VWA8: variants seen among roughly 807,000 people sequenced by gnomAD.
VWA8 encodes von Willebrand factor A domain-containing protein 8.
Under a neutral mutation model 241.5 loss-of-function variants are expected in VWA8, and 221 were observed. The observed-to-expected ratio is 0.91, with a 90% CI of 0.82 to 1.02. VWA8 has a LOEUF of 1.02. Ranked by LOEUF, VWA8 falls within the 50% of genes least tolerant of loss-of-function variation. The pLI is 0.00. For missense variants in VWA8, 2,322 were observed against 2,328.7 expected, an observed-to-expected ratio of 1.00 and a Z score of 0.06; for synonymous variants, 852 against 827.1, an observed-to-expected ratio of 1.03 and a Z score of -0.52.
At chr13:41,658,472 G>A (rs535519300) in intron 37 of VWA8, among the ~76,000 whole-genome samples, 1 of 152,242 alleles carries the variant, frequency 6.6e-6, no homozygotes, top group South Asian at 2.1e-4. Context: ...CTCTTGTCCC[G>A]TTTCAATTTC....
chr13:41,658,577 C>CT (rs1365957767), intron 37 of VWA8, among the ~76,000 whole-genome samples: 1 of 152,212 alleles, frequency 6.6e-6, no homozygotes, highest in East Asian at 1.9e-4. Flanking sequence ...AGTGATCTGC[C>CT]TTTTTGCCAG....
At chr13:41,761,745 A>G (rs561763695) in intron 20 of VWA8, among the ~76,000 whole-genome samples, 1 of 152,236 alleles carries the variant, frequency 6.6e-6, no homozygotes, top group Admixed American at 6.5e-5. Context: ...AGGTGTATTA[A>G]TAAAACTCAA....
chr13:41,631,798 TGA>T (rs1201342177), intron 37 of VWA8, among the ~76,000 whole-genome samples: 2 of 152,086 alleles, frequency 1.3e-5, no homozygotes, highest in African/African-American at 2.4e-5. Flanking sequence ...TGTGTGTAGG[TGA>T]GTGTCAAAAA....
chr13:41,754,941 C>CT (rs962678944), intron 21 of VWA8, among the ~76,000 whole-genome samples: 5 of 151,836 alleles, frequency 3.3e-5, no homozygotes, highest in Non-Finnish European at 5.9e-5. Context: ...GGATCTCATT[C>CT]TTTTTTTTAT....
intron 29 of VWA8, among the ~76,000 whole-genome samples, chr13:41,695,058 T>C (rs2045207444): frequency 6.6e-6 from 1 of 152,164 alleles, no homozygotes; most frequent in Admixed American, 6.5e-5. Flanking sequence ...GGTTTAAAAA[T>C]AGAATTTTGC....
chr13:41,829,565 A>ACACACACG (rs1566473399), intron 14 of VWA8, among the ~76,000 whole-genome samples: 2 of 128,266 alleles, frequency 1.6e-5, no homozygotes, highest in South Asian at 2.6e-4. Context: ...ACACACACAC[A>ACACACACG]CATGCACACA....
intron 21 of VWA8, among the ~76,000 whole-genome samples, chr13:41,737,871 G>T (rs1006793243): frequency 1.3e-5 from 2 of 149,602 alleles, no homozygotes; most frequent in Non-Finnish European, 3.0e-5. Context: ...GTTATAAACT[G>T]TCAATGTAAA....
At chr13:41,703,500 A>G in intron 26 of VWA8, 89 bp from the exon 27 acceptor site, 1 of 1,106,734 alleles carries the variant, frequency 9.0e-7, no homozygotes, top group Non-Finnish European at 1.3e-6. Context: ...AACCACACAA[A>G]TAAATTTGAA....
intron 26 of VWA8, among the ~76,000 whole-genome samples, chr13:41,710,046 T>C (rs1165393643): frequency 6.6e-6 from 1 of 152,166 alleles, no homozygotes; most frequent in Admixed American, 6.5e-5. Flanking sequence ...ACTCCCTATA[T>C]GTTGTTTACC....
intron 42 of VWA8, among the ~76,000 whole-genome samples, chr13:41,578,118 C>T (rs12866839): frequency 0.16 from 25,005 of 152,102 alleles, 2,198 homozygotes; most frequent in South Asian, 0.26. Flanking sequence ...GAAAGGTGGA[C>T]TGTATGCTTC....
chr13:41,568,279 C>G lies in VWA8; in HGVS notation c.5636G>C (p.Arg1879Pro). 1 of 1,614,080 alleles carries G rather than the reference C, an allele frequency of 6.2e-7. No individual in the cohort carries two copies. Among genetic ancestry groups the G allele is most frequent in the Admixed American group, 1.7e-5 (1 of 60,008 alleles). The change falls in exon 45 of 45, where the codon CGG (arginine) becomes CCG (proline). Residue 1879 changes from arginine (R) to proline (P), a missense_variant. Coordinates refer to ENST00000379310, the MANE Select transcript of VWA8 (RefSeq NM_015058.2). ...TRLQRTLPAG[R>P]SFVAMDTKDI... ...CTTGGTATCCATGGCAACGAAAGAC[C>G]GACCAGCTGGTAAAGTTCTCTGAAG...
At chr13:41,665,073 AG>A (rs1014590462) in intron 37 of VWA8, among the ~76,000 whole-genome samples, 5 of 152,170 alleles carry the variant, frequency 3.3e-5, no homozygotes, top group Admixed American at 1.3e-4. Flanking sequence ...TTATAAACAA[AG>A]CTTACATTTT....
At position 41,675,213 on chromosome 13, in the gene VWA8, A is replaced by G. The variant is rs2045051843; in HGVS notation, c.4409+2T>C. On this transcript the variant is annotated splice_donor_variant, in intron 36 of 44. Coordinates refer to ENST00000379310, the MANE Select transcript of VWA8 (RefSeq NM_015058.2). LOFTEE classifies it high-confidence loss of function. ...GCTAAGAACAAAGGTGAAATGGATT[A>G]CCTGGGAATAGGGATATATCGGAGT... 1 of 1,605,878 alleles carries G rather than the reference A, an allele frequency of 6.2e-7. No homozygotes were observed. The highest frequency in any genetic ancestry group is 8.5e-7 in the Non-Finnish European group (1 of 1,173,366).
chr13:41,785,089 A>G (rs562108317), intron 18 of VWA8, among the ~76,000 whole-genome samples: 1 of 152,122 alleles, frequency 6.6e-6, no homozygotes, highest in South Asian at 2.1e-4. Flanking sequence ...TTCCAAGTTC[A>G]ATAATATTAA....
chr13:41,719,605 C>A lies in VWA8; in HGVS notation c.3102G>T (p.Val1034=). Residue 1034 remains valine (V), a synonymous_variant, in exon 26 of 45, where the codon GTG becomes GTT. Coordinates refer to ENST00000379310, the MANE Select transcript of VWA8 (RefSeq NM_015058.2). The part of the protein sequence containing the change: ...GIPIGAKPTS[V]QLAKELTLPE... ...ATTTGCCTTACTCCTTTGCCAGCTG[C>A]ACACTGGTAGGCTTTGCTCCGATAG... is the stretch of plus-strand genomic sequence containing the variant. The A allele has an allele frequency of 6.2e-7, 1 of 1,612,972 alleles. No individual in the cohort carries two copies. Among genetic ancestry groups the A allele is most frequent in the South Asian group, 1.1e-5 (1 of 91,030 alleles).
intron 37 of VWA8, among the ~76,000 whole-genome samples, chr13:41,651,498 T>C (rs371640177): frequency 2.6e-5 from 4 of 152,322 alleles, no homozygotes; most frequent in African/African-American, 9.6e-5. Context: ...AGCCACGTAG[T>C]AAATATTTTA....
intron 19 of VWA8, 62 bp from the exon 20 acceptor site, chr13:41,778,118 A>ACTATAAAGATATATTTATATT: frequency 8.3e-7 from 1 of 1,203,814 alleles, no homozygotes; most frequent in Non-Finnish European, 1.2e-6. Flanking sequence ...AAGAAAGTTA[A>ACTATAAAGATATATTTATATT]CTATAAAGAT....
chr13:41,617,887 T>TATTG (rs2044631829), intron 37 of VWA8, among the ~76,000 whole-genome samples: 1 of 149,368 alleles, frequency 6.7e-6, no homozygotes, highest in African/African-American at 2.5e-5. Context: ...TCCCGTCTAT[T>TATTG]ATGGGTTGGT....
chr13:41,920,477 CA>C (rs999424458), intron 2 of VWA8, among the ~76,000 whole-genome samples: 1 of 151,862 alleles, frequency 6.6e-6, no homozygotes, highest in East Asian at 1.9e-4. Flanking sequence ...AAAAAACCTT[CA>C]AAAAAATCAA....
Sources: gnomAD v4.1 joint callset for allele counts (sites outside exome capture counted in the v4.1 genomes callset) on GRCh38, gnomAD v4.1.1 for gene constraint, MANE v1.5 for transcripts, NCBI Gene and HGNC (gene_info 2026-07-23, HGNC 2026-07-21) for gene names.